The following STK3 variants were observed in gnomAD, a reference collection of about 807,000 sequenced individuals.
STK3 encodes serine/threonine-protein kinase 3.
STK3 carries 41 observed loss-of-function variants against 58.0 expected under a neutral mutation model. The observed-to-expected ratio is 0.71, with a 90% CI of 0.55 to 0.92. STK3 has a LOEUF of 0.92. STK3 is among the 40% of genes least tolerant of loss of function. STK3 has a pLI of 0.00. For missense variants in STK3, 479 were observed against 602.7 expected (o/e 0.79, Z 2.15); for synonymous variants, 170 against 191.0 (o/e 0.89, Z 0.91).
rs532412425 is a variant in STK3, at chr8:98,742,001, G to A, written c.351+7275C>T. 7.6e-3 allele frequency among the ~76,000 whole-genome samples: 1,157 copies of A among 152,056 alleles called. 13 individuals are homozygous for A. Among genetic ancestry groups the A allele is most frequent in the African/African-American group, 0.026 (1,062 of 41,484 alleles). On this transcript the variant is annotated intron_variant, in intron 4 of 10. Coordinates refer to ENST00000419617, the MANE Select transcript of STK3 (RefSeq NM_006281.4). ...TCTAGAAGAAATGGATAAATTCCTC[G>A]ACACATACACCCTCCCAAGACTAAA...
chr8:98,427,980 A>G, intron 3 of STK3: 3 of 1,528,890 alleles, frequency 2.0e-6, no homozygotes, highest in Non-Finnish European at 1.8e-6. Flanking sequence ...CGCCTCCAGC[A>G]TGACCGGCCA....
chr8:98,928,255 G>T (rs1839877433), intron 1 of STK3, among the ~76,000 whole-genome samples: 1 of 152,196 alleles, frequency 6.6e-6, no homozygotes, highest in Non-Finnish European at 1.5e-5. Flanking sequence ...CCACTGGAGA[G>T]AAATCTAAAG....
intron 9 of STK3, among the ~76,000 whole-genome samples, chr8:98,535,632 CTCTA>C (rs1809693914): frequency 6.6e-6 from 1 of 152,084 alleles, no homozygotes; most frequent in South Asian, 2.1e-4. Context: ...TACTTTGGAC[CTCTA>C]TCTGAGAAAA....
intron 1 of STK3, among the ~76,000 whole-genome samples, chr8:98,916,030 AT>A (rs112728321): frequency 0.02 from 3,008 of 151,606 alleles, 97 homozygotes; most frequent in African/African-American, 0.069. Context: ...TCTCAAATGC[AT>A]TTTTTTTTCC....
intron 1 of STK3, among the ~76,000 whole-genome samples, chr8:98,801,490 G>A (rs534119993): frequency 1.3e-5 from 2 of 152,162 alleles, no homozygotes; most frequent in African/African-American, 4.8e-5. Flanking sequence ...CACCTCGAAG[G>A]TCTGCAGCTT....
intron 1 of STK3, among the ~76,000 whole-genome samples, chr8:98,926,853 T>C (rs939018485): frequency 6.6e-6 from 1 of 152,192 alleles, no homozygotes; most frequent in African/African-American, 2.4e-5. Flanking sequence ...TGTGCTATGG[T>C]ACCAGCTGGC....
intron 6 of STK3, among the ~76,000 whole-genome samples, chr8:98,653,698 T>C (rs955312474): frequency 4.6e-5 from 7 of 152,140 alleles, no homozygotes; most frequent in African/African-American, 9.7e-5. Context: ...GAGAATACTA[T>C]AAACACCTCT....
chr8:98,528,516 C>T (rs1415994869), intron 9 of STK3, among the ~76,000 whole-genome samples: 1 of 151,762 alleles, frequency 6.6e-6, no homozygotes, highest in Admixed American at 6.6e-5. Context: ...GATGGAGTTT[C>T]GCTCTTGTTG....
chr8:98,832,433 C>T (rs1247791272), intron 3 of STK3, among the ~76,000 whole-genome samples: 1 of 152,010 alleles, frequency 6.6e-6, no homozygotes, highest in Non-Finnish European at 1.5e-5. Flanking sequence ...GACACAGAGG[C>T]ATCCTGTGTG....
chr8:98,727,738 C>G (rs1827883381), intron 4 of STK3, among the ~76,000 whole-genome samples: 1 of 152,120 alleles, frequency 6.6e-6, no homozygotes, highest in African/African-American at 2.4e-5. Context: ...GGAACATGCA[C>G]AGTCATTTTT....
rs771142783 is a variant in STK3 at position 98,547,983 on chromosome 8, T to C, written c.1127A>G (p.Asp376Gly). ...VINSEDEEEE[D>G]GTMKRNATSP... ...AAGCCACATACTTTTCATAGTTCCA[T>C]CTTCTTCTTCCTCATCCTCACTGTT... Residue 376 changes from aspartate to glycine, a missense_variant, in exon 9 of 11, where the codon GAT becomes GGT. Asp to Gly is a moderately conservative substitution (Grantham distance 94). This residue lies in a region of STK3 where 309 missense variants were observed against 355.7 expected (regional missense o/e 0.87). Transcript: ENST00000419617. 15 of 1,589,754 alleles carry C rather than the reference T, an allele frequency of 9.4e-6. No homozygotes were observed. The highest frequency in any genetic ancestry group is 1.3e-5 in the Non-Finnish European group (15 of 1,171,172).
At chr8:98,522,563 A>G (rs892712265) in intron 10 of STK3, among the ~76,000 whole-genome samples, 1 of 152,190 alleles carries the variant, frequency 6.6e-6, no homozygotes, top group Non-Finnish European at 1.5e-5. Context: ...AAAAAAATGC[A>G]TAACACAAAA....
intron 6 of STK3, chr8:98,597,208 A>T: frequency 1.1e-6 from 1 of 885,368 alleles, no homozygotes; most frequent in Non-Finnish European, 1.4e-6. Flanking sequence ...CCCTCAGAAT[A>T]TGCAGCCATT....
chr8:98,892,844 A>G (rs888208735), intron 1 of STK3, among the ~76,000 whole-genome samples: 2 of 152,226 alleles, frequency 1.3e-5, no homozygotes, highest in Admixed American at 6.5e-5. Context: ...TGTTGACTAA[A>G]TGAACAAGTG....
chr8:98,863,544 G>C (rs1057386128), intron 3 of STK3, among the ~76,000 whole-genome samples: 4 of 152,092 alleles, frequency 2.6e-5, no homozygotes, highest in Admixed American at 2.6e-4. Flanking sequence ...AGCACGCCTA[G>C]CATGTGGTAA....
chr8:98,423,597 TG>T (rs1563598177), intron 3 of STK3, among the ~76,000 whole-genome samples: 1 of 152,206 alleles, frequency 6.6e-6, no homozygotes, highest in Non-Finnish European at 1.5e-5. Context: ...CTGGCTGCTG[TG>T]GGGAGGATGG....
intron 6 of STK3, among the ~76,000 whole-genome samples, chr8:98,677,129 T>C (rs1175661304): frequency 2.0e-5 from 3 of 152,162 alleles, no homozygotes; most frequent in Non-Finnish European, 4.4e-5. Flanking sequence ...ACTTTCCCCA[T>C]GGTTGATGAC....
At chr8:98,413,956 A>T (rs1331951572) in intron 3 of STK3, among the ~76,000 whole-genome samples, 1 of 152,198 alleles carries the variant, frequency 6.6e-6, no homozygotes, top group Non-Finnish European at 1.5e-5. Flanking sequence ...CCTGAAAACC[A>T]TATTCTTCTC....
At chr8:98,939,698 G>T (rs1376204813) in intron 1 of STK3, among the ~76,000 whole-genome samples, 1 of 152,256 alleles carries the variant, frequency 6.6e-6, no homozygotes, top group East Asian at 1.9e-4. Context: ...TGGCAAGTGC[G>T]TTGAAAAACA....
Sources: allele counts gnomAD v4.1 joint callset (sites outside exome capture counted in the v4.1 genomes callset), GRCh38; gene constraint gnomAD v4.1.1; regional missense constraint gnomAD v4.1.1; transcripts MANE v1.5; gene names NCBI Gene and HGNC (gene_info 2026-07-23, HGNC 2026-07-21).